The following TARBP1 variants were observed in gnomAD, a reference collection of about 807,000 sequenced individuals.
TARBP1 encodes tRNA (guanosine(18)-2'-O)-methyltransferase TARBP1.
In TARBP1, 144 loss-of-function variants were observed where a neutral mutation model predicts 178.6. The observed-to-expected ratio is 0.81, with a 90% CI of 0.70 to 0.93. TARBP1 has a LOEUF of 0.93. Ranked by LOEUF, TARBP1 falls within the 40% of genes least tolerant of loss-of-function variation. The pLI is 0.00. For synonymous variants in TARBP1, 787 were observed against 781.0 expected, an observed-to-expected ratio of 1.01 and a Z score of -0.13; for missense variants, 2,067 against 2,011.7, an observed-to-expected ratio of 1.03 and a Z score of -0.53.
chr1:234,392,300 C>T, intron 29 of TARBP1, 116 bp downstream of exon 29: 1 of 1,335,504 alleles, frequency 7.5e-7, no homozygotes, highest in Admixed American at 2.3e-5. Flanking sequence ...TGTGCCACTA[C>T]ACTCCAGCCT....
intron 5 of TARBP1, 70 bp downstream of exon 5, chr1:234,465,586 A>G (rs1668347049): frequency 7.1e-7 from 1 of 1,414,930 alleles, no homozygotes; most frequent in Non-Finnish European, 9.4e-7. Flanking sequence ...CAAATGCATG[A>G]AACAATCTGG....
At chr1:234,407,374 G>A (rs1661356238) in intron 23 of TARBP1, 2 of 142,398 alleles carry the variant, frequency 1.4e-5, no homozygotes, top group South Asian at 4.4e-4. Flanking sequence ...GTCTCACTCT[G>A]TCGCCTAGGC....
chr1:234,468,745 C>T (rs151026355), intron 3 of TARBP1, among the ~76,000 whole-genome samples: 3 of 152,002 alleles, frequency 2.0e-5, no homozygotes, highest in African/African-American at 7.2e-5. Flanking sequence ...CTCCACACAC[C>T]AACTCTGCTG....
chr1:234,420,853 T>C (rs774835064), intron 20 of TARBP1, 41 bp from the exon 21 acceptor site: 6 of 1,207,542 alleles, frequency 5.0e-6, no homozygotes, highest in South Asian at 2.6e-5. Context: ...AAATTATCTA[T>C]TGAATTTGTG....
At chr1:234,467,479 G>A in intron 4 of TARBP1, 23 bp downstream of exon 4, 1 of 1,529,592 alleles carries the variant, frequency 6.5e-7, no homozygotes, top group Non-Finnish European at 8.7e-7. Context: ...ATGGGAGCAA[G>A]GAAGGGGACA....
chr1:234,467,499 T>C lies in TARBP1; in HGVS notation c.1248+3A>G. The C allele has an allele frequency of 6.3e-7, 1 of 1,582,434 alleles. No homozygotes were observed. The highest frequency in any genetic ancestry group is 8.6e-7 in the Non-Finnish European group (1 of 1,167,952). On this transcript the variant is annotated splice_donor_region_variant and intron_variant, in intron 4 of 29. Transcript: ENST00000040877. The stretch of plus-strand genomic sequence containing the variant: ...AGCAAGGAAGGGGACAGGGTGTCAT[T>C]ACCTCAGAAAATTCTGGTGAAAATG...
At chr1:234,439,628 C>T in intron 12 of TARBP1, among the ~76,000 whole-genome samples, 1 of 152,174 alleles carries the variant, frequency 6.6e-6, no homozygotes, top group Non-Finnish European at 1.5e-5. Context: ...GAGTTCGAGA[C>T]TAACATGGCC....
At chr1:234,461,256 T>C (rs561246358) in intron 6 of TARBP1, among the ~76,000 whole-genome samples, 3 of 152,376 alleles carry the variant, frequency 2.0e-5, no homozygotes, top group South Asian at 2.1e-4. Context: ...TACTGTACTA[T>C]AGGGATTCTG....
intron 6 of TARBP1, among the ~76,000 whole-genome samples, chr1:234,463,294 TTG>T (rs914202254): frequency 6.6e-6 from 1 of 152,124 alleles, no homozygotes; most frequent in Non-Finnish European, 1.5e-5. Flanking sequence ...CGGATAATTT[TTG>T]TATTTTTAGT....
At chr1:234,402,174 T>C (rs1243359918) in intron 24 of TARBP1, among the ~76,000 whole-genome samples, 1 of 152,258 alleles carries the variant, frequency 6.6e-6, no homozygotes, top group African/African-American at 2.4e-5. Context: ...AATGGAATAT[T>C]AGGTAGCTGT....
At chr1:234,393,878 C>G in intron 26 of TARBP1, 41 bp from the exon 27 acceptor site, 1 of 1,455,152 alleles carries the variant, frequency 6.9e-7, no homozygotes. Flanking sequence ...ATAAATAAAT[C>G]TGAATCTCTA....
chr1:234,430,740 A>G (rs915072470), intron 14 of TARBP1, among the ~76,000 whole-genome samples: 1 of 152,204 alleles, frequency 6.6e-6, no homozygotes, highest in Admixed American at 6.5e-5. Flanking sequence ...AAAAGGCTCC[A>G]GGTTACAAAT....
chr1:234,474,288 A>ACACACACACACAC (rs1558264943), intron 1 of TARBP1, among the ~76,000 whole-genome samples: 2 of 143,004 alleles, frequency 1.4e-5, no homozygotes, highest in South Asian at 2.2e-4. Flanking sequence ...ACACACACAC[A>ACACACACACACAC]AAGGGGACAT....
At chr1:234,405,731 AACTAC>A (rs1661164819) in intron 24 of TARBP1, among the ~76,000 whole-genome samples, 167 bp downstream of exon 24, 2 of 152,202 alleles carry the variant, frequency 1.3e-5, no homozygotes, top group African/African-American at 4.8e-5. Context: ...AACTGTAATT[AACTAC>A]ACCCCAAAGT....
intron 12 of TARBP1, among the ~76,000 whole-genome samples, chr1:234,438,040 T>C (rs1302907315): frequency 6.6e-6 from 1 of 152,152 alleles, no homozygotes; most frequent in Non-Finnish European, 1.5e-5. Flanking sequence ...ATGGAATGCA[T>C]GTGGCATGGG....
chr1:234,421,305 C>A (rs1279333717), intron 20 of TARBP1, among the ~76,000 whole-genome samples: 1 of 152,020 alleles, frequency 6.6e-6, no homozygotes, highest in Non-Finnish European at 1.5e-5. Flanking sequence ...GCCAGGCTGG[C>A]CTCGAGCTCC....
At chr1:234,408,708 C>T (rs894211796) in intron 23 of TARBP1, among the ~76,000 whole-genome samples, 1 of 152,250 alleles carries the variant, frequency 6.6e-6, no homozygotes, top group South Asian at 2.1e-4. Context: ...GATTTCATCT[C>T]CGACCCAACC....
At chr1:234,433,666 C>A in intron 13 of TARBP1, 95 bp from the exon 14 acceptor site, 1 of 1,192,926 alleles carries the variant, frequency 8.4e-7, no homozygotes, top group Non-Finnish European at 1.2e-6. Flanking sequence ...ACTTAAAGGA[C>A]CACAACAAGA....
chr1:234,455,554 T>C (rs1257553345), intron 9 of TARBP1, among the ~76,000 whole-genome samples: 1 of 152,204 alleles, frequency 6.6e-6, no homozygotes, highest in Admixed American at 6.5e-5. Flanking sequence ...GAAATCACTA[T>C]GAATATACAT....
Sources: gnomAD v4.1 joint callset for allele counts (sites outside exome capture counted in the v4.1 genomes callset) on GRCh38, gnomAD v4.1.1 for gene constraint, MANE v1.5 for transcripts, NCBI Gene and HGNC (gene_info 2026-07-23, HGNC 2026-07-21) for gene names.